EEFSEC: variants seen among roughly 807,000 people sequenced by gnomAD.
The protein encoded by EEFSEC is selenocysteine-specific elongation factor.
In EEFSEC, 43 loss-of-function variants were observed where a neutral mutation model predicts 42.1. The ratio of observed to expected loss-of-function variants is 1.02; its 90% CI spans 0.80 to 1.32. The LOEUF is 1.32. Ranked by LOEUF, EEFSEC falls within the 40% of genes most tolerant of loss-of-function variation. The pLI is 0.00. For missense variants in EEFSEC, 745 were observed against 803.6 expected (o/e 0.93, Z 0.88); for synonymous variants, 354 against 339.1 (o/e 1.04, Z -0.48).
chr3:128,218,624 C>T (rs1381591532), intron 1 of EEFSEC, among the ~76,000 whole-genome samples: 9 of 152,116 alleles, frequency 5.9e-5, no homozygotes, highest in Non-Finnish European at 1.3e-4. Flanking sequence ...TCCGGACTGG[C>T]CGTTGGTTTG....
chr3:128,378,298 A>G (rs1252643401), intron 6 of EEFSEC, among the ~76,000 whole-genome samples: 1 of 152,154 alleles, frequency 6.6e-6, no homozygotes, highest in African/African-American at 2.4e-5. Flanking sequence ...GGCCTGTCAT[A>G]TGTGGGCATT....
At chr3:128,376,988 C>T (rs1372637037) in intron 6 of EEFSEC, among the ~76,000 whole-genome samples, 3 of 152,212 alleles carry the variant, frequency 2.0e-5, no homozygotes, top group Non-Finnish European at 4.4e-5. Flanking sequence ...GGGGTCATGG[C>T]CTGGCCCCAG....
At chr3:128,175,954 A>G (rs1382946235) in intron 1 of EEFSEC, among the ~76,000 whole-genome samples, 1 of 152,254 alleles carries the variant, frequency 6.6e-6, no homozygotes, top group African/African-American at 2.4e-5. Flanking sequence ...GAGAATGCAC[A>G]GCTCTGAGCC....
chr3:128,416,434 G>A, the EEFSEC span, among the ~76,000 whole-genome samples: 1 of 152,208 alleles, frequency 6.6e-6, no homozygotes, highest in South Asian at 2.1e-4. Flanking sequence ...CGCACACCAG[G>A]CCCTGTCCCC....
At chr3:128,163,814 G>A (rs920699830) in intron 1 of EEFSEC, among the ~76,000 whole-genome samples, 1 of 151,770 alleles carries the variant, frequency 6.6e-6, no homozygotes, top group Admixed American at 6.6e-5. Context: ...TTTTTGTCTG[G>A]CGACTTTTGC....
intron 1 of EEFSEC, among the ~76,000 whole-genome samples, chr3:128,207,347 G>A (rs1483098428): frequency 6.7e-6 from 1 of 149,952 alleles, no homozygotes; most frequent in Non-Finnish European, 1.5e-5. Flanking sequence ...TCTCTGGAGT[G>A]TGTTGCCCAT....
chr3:128,390,808 TCACCCCGGCTCCATCTCCTGCTCTCCCCA>T (rs1456993777), intron 6 of EEFSEC, among the ~76,000 whole-genome samples: 1 of 152,152 alleles, frequency 6.6e-6, no homozygotes, highest in Non-Finnish European at 1.5e-5. Flanking sequence ...TACCCCATGA[TCACCCCGGCTCCATCTCCTGCTCTCCCCA>T]CACGCTGGCC....
At chr3:128,378,193 G>A (rs1351883090) in intron 6 of EEFSEC, among the ~76,000 whole-genome samples, 1 of 152,178 alleles carries the variant, frequency 6.6e-6, no homozygotes, top group African/African-American at 2.4e-5. Flanking sequence ...CCTCTACCAA[G>A]ATGGCTTTTG....
Position 128,341,226 on chromosome 3 carries a change from C to T in EEFSEC, c.787-7C>T, listed in dbSNP as rs1395693434. ...TTTCATGTGCTCTCTTGCTTACTCCCCATCAGGTGGTGAAGAAGGTGAAGT... is the reference window on the plus strand; with the variant it reads ...TTTCATGTGCTCTCTTGCTTACTCCTCATCAGGTGGTGAAGAAGGTGAAGT... On this transcript the variant is annotated splice_polypyrimidine_tract_variant and splice_region_variant and intron_variant, in intron 4 of 6. Transcript: ENST00000254730. 1.3e-6 allele frequency: 2 copies of T among 1,596,166 alleles called. No homozygotes were observed. Among genetic ancestry groups the T allele is most frequent in the East Asian group, 2.2e-5 (1 of 44,830 alleles).
intron 1 of EEFSEC, among the ~76,000 whole-genome samples, chr3:128,165,964 T>C (rs2065239026): frequency 6.6e-6 from 1 of 152,222 alleles, no homozygotes; most frequent in South Asian, 2.1e-4. Context: ...TGTGGTCATT[T>C]CCAGGTGAGT....
chr3:128,362,331 T>C (rs949794396), intron 6 of EEFSEC: 2 of 472,208 alleles, frequency 4.2e-6, no homozygotes. Flanking sequence ...TGGAGAAGAA[T>C]CATGTGAGAA....
intron 4 of EEFSEC, among the ~76,000 whole-genome samples, chr3:128,273,789 G>A (rs2066439117): frequency 6.6e-6 from 1 of 152,204 alleles, no homozygotes; most frequent in Admixed American, 6.5e-5. Flanking sequence ...AGAAATGGTG[G>A]CTTTAACCCA....
At chr3:128,337,841 A>T (rs1203331852) in intron 4 of EEFSEC, among the ~76,000 whole-genome samples, 2 of 152,232 alleles carry the variant, frequency 1.3e-5, no homozygotes, top group African/African-American at 4.8e-5. Flanking sequence ...CCTTATTGAT[A>T]GAAGTTGATT....
At chr3:128,374,716 A>G (rs966017088) in intron 6 of EEFSEC, among the ~76,000 whole-genome samples, 1 of 152,372 alleles carries the variant, frequency 6.6e-6, no homozygotes, top group African/African-American at 2.4e-5. Flanking sequence ...TTCTCACTGT[A>G]TGCCATATAC....
chr3:128,350,710 G>C (rs1049749749), intron 5 of EEFSEC, among the ~76,000 whole-genome samples: 2 of 152,220 alleles, frequency 1.3e-5, no homozygotes, highest in Non-Finnish European at 1.5e-5. Context: ...GCTGGAAAGA[G>C]CCAGTTCTGG....
chr3:128,198,409 C>T (rs139646129), intron 1 of EEFSEC, among the ~76,000 whole-genome samples: 57 of 152,222 alleles, frequency 3.7e-4, no homozygotes, highest in African/African-American at 1.3e-3. Flanking sequence ...AAGCAAAAGT[C>T]CCAAGAAAGG....
At chr3:128,271,922 C>A (rs1358832692) in intron 4 of EEFSEC, among the ~76,000 whole-genome samples, 1 of 152,190 alleles carries the variant, frequency 6.6e-6, no homozygotes, top group Non-Finnish European at 1.5e-5. Context: ...TTCATTATCA[C>A]CTCTCCAGCC....
At chr3:128,372,179 G>T (rs776510149) in intron 6 of EEFSEC, among the ~76,000 whole-genome samples, 7 of 152,232 alleles carry the variant, frequency 4.6e-5, no homozygotes, top group African/African-American at 1.7e-4. Flanking sequence ...GCAGTGGAAA[G>T]TGGAACTTGC....
chr3:128,287,964 C>T (rs1048097470), intron 4 of EEFSEC, among the ~76,000 whole-genome samples: 1 of 148,008 alleles, frequency 6.8e-6, no homozygotes, highest in African/African-American at 2.5e-5. Flanking sequence ...TTCCCCCCGC[C>T]CCCCCCAAAA....
Sources: allele counts gnomAD v4.1 joint callset (sites outside exome capture counted in the v4.1 genomes callset), GRCh38; gene constraint gnomAD v4.1.1; transcripts MANE v1.5; gene names NCBI Gene and HGNC (gene_info 2026-07-23, HGNC 2026-07-21).